WDR59: variants seen among roughly 807,000 people sequenced by gnomAD.
WDR59 encodes the protein WD repeat domain 59.
Under a neutral mutation model 131.2 loss-of-function variants are expected in WDR59, and 100 were observed. The ratio of observed to expected loss-of-function variants is 0.76; its 90% CI spans 0.65 to 0.90. The LOEUF is 0.90. Ranked by LOEUF, WDR59 falls within the 40% of genes least tolerant of loss-of-function variation. The pLI, the probability that WDR59 is intolerant of heterozygous loss-of-function variation, is 0.00. For synonymous variants in WDR59, 601 were observed against 466.2 expected (o/e 1.29, Z -3.72); for missense variants, 1,203 against 1,262.2 (o/e 0.95, Z 0.71).
rs1334611554 is a variant in WDR59 at position 74,874,356 on chromosome 16, G to A, written c.2778C>T (p.Ile926=). The A allele has an allele frequency of 3.1e-6, 5 of 1,614,152 alleles. 1 individual carries two copies. The South Asian group carries it at 5.5e-5, about 18-fold the overall frequency. The stretch of plus-strand genomic sequence containing the variant: ...ACGATCCCCGCACAGCCACGTGACA[G>A]ATGGCACACTGGAACGTGAAGCCTT... ...ICKGFTFQCA[I]CHVAVRGSSN... The change falls in exon 26 of 26, where the codon ATC becomes ATT. Residue 926 remains isoleucine (I), a synonymous_variant. Coordinates refer to ENST00000262144, the MANE Select transcript of WDR59 (RefSeq NM_030581.4).
chr16:74,888,756 A>G (rs1049725413), intron 21 of WDR59, among the ~76,000 whole-genome samples: 2 of 152,142 alleles, frequency 1.3e-5, no homozygotes, highest in Non-Finnish European at 2.9e-5. Flanking sequence ...AGGAGCTCAG[A>G]GGACACTGGA....
intron 13 of WDR59, among the ~76,000 whole-genome samples, chr16:74,912,982 C>T (rs1253972962): frequency 6.6e-6 from 1 of 152,006 alleles, no homozygotes; most frequent in African/African-American, 2.4e-5. Context: ...CCACAGCCTT[C>T]CAGCGTGGGC....
At chr16:74,899,495 T>G (rs776557413) in intron 18 of WDR59, among the ~76,000 whole-genome samples, 2 of 152,212 alleles carry the variant, frequency 1.3e-5, no homozygotes, top group African/African-American at 2.4e-5. Context: ...CTGACAATAT[T>G]AGCCATTTGA....
At chr16:74,951,575 G>T (rs879903819) in intron 3 of WDR59, 32 bp from the exon 4 acceptor site, 1 of 1,551,630 alleles carries the variant, frequency 6.4e-7, no homozygotes, top group East Asian at 2.3e-5. Context: ...CCACAGGCAA[G>T]TATGTTGGGA....
At chr16:74,950,933 G>T (rs956311228) in intron 4 of WDR59, among the ~76,000 whole-genome samples, 7 of 150,736 alleles carry the variant, frequency 4.6e-5, no homozygotes, top group African/African-American at 1.7e-4. Flanking sequence ...AGGCAGGTGG[G>T]TCACTTCAAG....
At chr16:74,875,760 T>C (rs2144744356) in intron 25 of WDR59, among the ~76,000 whole-genome samples, 1 of 152,290 alleles carries the variant, frequency 6.6e-6, no homozygotes, top group African/African-American at 2.4e-5. Context: ...CTGCACCACC[T>C]GGCAAAACCT....
chr16:74,921,487 A>G (rs751100171), intron 10 of WDR59, among the ~76,000 whole-genome samples: 5 of 151,638 alleles, frequency 3.3e-5, no homozygotes, highest in Non-Finnish European at 7.4e-5. Context: ...AAATCACATC[A>G]TCTGTTTTCT....
intron 2 of WDR59, chr16:74,959,581 G>A (rs1215097350): frequency 2.2e-6 from 1 of 447,892 alleles, no homozygotes; most frequent in South Asian, 1.6e-5. Flanking sequence ...GGGCAACCTG[G>A]CAAGACCTTA....
At chr16:74,977,928 G>C (rs2034251671) in intron 1 of WDR59, among the ~76,000 whole-genome samples, 1 of 152,152 alleles carries the variant, frequency 6.6e-6, no homozygotes, top group African/African-American at 2.4e-5. Context: ...AAAGACGCCA[G>C]GTAGGGTGGT....
intron 2 of WDR59, among the ~76,000 whole-genome samples, chr16:74,957,081 C>CTTT (rs34834142): frequency 5.6e-5 from 7 of 123,938 alleles, no homozygotes; most frequent in Admixed American, 8.5e-5. Flanking sequence ...CTTTTTTTTT[C>CTTT]TTTTTTTTTT....
chr16:74,956,671 G>C (rs989337453), intron 2 of WDR59, 61 bp from the exon 3 acceptor site: 7 of 1,572,616 alleles, frequency 4.5e-6, no homozygotes, highest in Admixed American at 3.7e-5. Flanking sequence ...CATTAAGATA[G>C]AAAAGCACAA....
At chr16:74,929,001 C>T (rs545485747) in intron 8 of WDR59, among the ~76,000 whole-genome samples, 14 of 152,274 alleles carry the variant, frequency 9.2e-5, no homozygotes, top group African/African-American at 2.6e-4. Flanking sequence ...ATATAAGAAT[C>T]TCAAACAACT....
intron 1 of WDR59, among the ~76,000 whole-genome samples, chr16:74,971,426 CTTT>C (rs58120924): frequency 2.3e-4 from 21 of 90,170 alleles, no homozygotes; most frequent in African/African-American, 9.1e-4. Flanking sequence ...TCTTTCCTTC[CTTT>C]TTTTTTTTTT....
At chr16:74,881,210 A>C (rs554628616) in intron 25 of WDR59, among the ~76,000 whole-genome samples, 2 of 152,340 alleles carry the variant, frequency 1.3e-5, no homozygotes, top group African/African-American at 4.8e-5. Context: ...GTAAATATTG[A>C]ATCCCAATGA....
chr16:74,897,646 T>C (rs1464604100), intron 18 of WDR59, among the ~76,000 whole-genome samples: 2 of 152,170 alleles, frequency 1.3e-5, no homozygotes, highest in African/African-American at 2.4e-5. Flanking sequence ...AAGCCTGCCA[T>C]AAGGGAGGTT....
In WDR59 at chr16:74,873,396, G is replaced by C. The variant is rs1964052051; in HGVS notation, c.*813C>G. The C allele has an allele frequency of 6.6e-6, 1 of 152,194 alleles. No homozygotes were observed. Among genetic ancestry groups the C allele is most frequent in the Non-Finnish European group, 1.5e-5 (1 of 68,040 alleles). The allele number at this position is 152,194 out of a possible 1,614,324, so 9.4% of individuals were successfully genotyped here. On this transcript the variant is annotated 3_prime_UTR_variant, in exon 26 of 26. Transcript: ENST00000262144. ...CGGCAATCTTGTCCTCCTTTTGCTA[G>C]AAGAAATAAGACTCTTGGGGCTAGG...
At chr16:74,981,532 T>G (rs2034403029) in intron 1 of WDR59, among the ~76,000 whole-genome samples, 1 of 148,744 alleles carries the variant, frequency 6.7e-6, no homozygotes, top group African/African-American at 2.5e-5. Flanking sequence ...CATTCCAGCC[T>G]GGGTGACAGA....
intron 17 of WDR59, 121 bp from the exon 18 acceptor site, chr16:74,904,221 A>C (rs1177671454): frequency 4.0e-6 from 5 of 1,241,082 alleles, no homozygotes; most frequent in Admixed American, 4.6e-5. Context: ...AAACTCCAGA[A>C]AAAGAAGTCA....
chr16:74,962,266 A>G lies in WDR59; in HGVS notation c.104+3507T>C, dbSNP rs565403562. The stretch of plus-strand genomic sequence containing the variant: ...ATTTTTGTTTAGGATTGTCTTGGCT[A>G]TACAGGCTCTTTTTGGGTTCCGTAT... On this transcript the variant is annotated intron_variant, in intron 2 of 25. Transcript: ENST00000262144. 5.3e-5 allele frequency among the ~76,000 whole-genome samples: 8 copies of G among 152,286 alleles called. No individual in the cohort carries two copies. In the South Asian group the frequency reaches 8.3e-4, roughly 16 times the overall value.
Sources: allele counts gnomAD v4.1 joint callset (sites outside exome capture counted in the v4.1 genomes callset), GRCh38; gene constraint gnomAD v4.1.1; transcripts MANE v1.5; gene names NCBI Gene and HGNC (gene_info 2026-07-23, HGNC 2026-07-21).